GPATCH2: variants seen among roughly 807,000 people sequenced by gnomAD.
The protein encoded by GPATCH2 is G patch domain-containing protein 2.
GPATCH2 carries 51 observed loss-of-function variants against 58.0 expected under a neutral mutation model. The ratio of observed to expected loss-of-function variants is 0.88; its 90% CI spans 0.70 to 1.11. The LOEUF (loss-of-function observed/expected upper bound fraction) is 1.11, where lower values mean the gene tolerates loss of function less well. GPATCH2 is among the 50% of genes most tolerant of loss of function. The pLI is 0.00. For missense variants in GPATCH2, 625 were observed against 652.2 expected (o/e 0.96, Z 0.45); for synonymous variants, 222 against 218.5 (o/e 1.02, Z -0.14).
intron 2 of GPATCH2, among the ~76,000 whole-genome samples, chr1:217,614,696 C>A (rs1668797669): frequency 6.7e-6 from 1 of 148,220 alleles, no homozygotes; most frequent in Non-Finnish European, 1.5e-5. Context: ...GAATTCACAA[C>A]AACTCTATTA....
intron 6 of GPATCH2, 118 bp downstream of exon 6, chr1:217,514,704 T>C (rs989856275): frequency 1.1e-5 from 6 of 532,148 alleles, no homozygotes; most frequent in South Asian, 7.0e-5. Flanking sequence ...TGGTAAATTA[T>C]ACTTACTCTT....
rs1484411005 is a variant in GPATCH2 at position 217,620,124 on chromosome 1, A to G, written c.432T>C (p.His144=). ...NNVRGKRPLW[H]ESDFAVDNVG... The stretch of plus-strand genomic sequence containing the variant: ...CATTGTCCACAGCAAAATCAGACTC[A>G]TGCCATAGAGGTCTTTTCCCTCGAA... Residue 144 remains histidine (H), a synonymous_variant, in exon 2 of 10, where the codon CAT becomes CAC. Coordinates refer to ENST00000366935, the MANE Select transcript of GPATCH2 (RefSeq NM_018040.5). The G allele has an allele frequency of 3.1e-6, 5 of 1,614,010 alleles. No individual in the cohort carries two copies. The highest frequency in any genetic ancestry group is 4.2e-6 in the Non-Finnish European group (5 of 1,180,010).
intron 8 of GPATCH2, among the ~76,000 whole-genome samples, chr1:217,473,111 C>A (rs1019677113): frequency 6.6e-6 from 1 of 152,170 alleles, no homozygotes; most frequent in Admixed American, 6.5e-5. Flanking sequence ...CCCTTACTAC[C>A]TATCTGTGAG....
At chr1:217,587,733 A>G (rs1646582830) in intron 5 of GPATCH2, among the ~76,000 whole-genome samples, 1 of 152,118 alleles carries the variant, frequency 6.6e-6, no homozygotes, top group African/African-American at 2.4e-5. Flanking sequence ...ATATAGAAAG[A>G]TTTTTCTGGA....
chr1:217,462,391 G>C (rs953077405), intron 8 of GPATCH2, among the ~76,000 whole-genome samples: 1 of 151,980 alleles, frequency 6.6e-6, no homozygotes, highest in Non-Finnish European at 1.5e-5. Flanking sequence ...CACATAAATC[G>C]ATCTACATAC....
intron 9 of GPATCH2, among the ~76,000 whole-genome samples, chr1:217,445,471 C>T (rs1659345549): frequency 6.6e-6 from 1 of 152,058 alleles, no homozygotes; most frequent in African/African-American, 2.4e-5. Flanking sequence ...TTGTTCACTG[C>T]TTTTCTTCAC....
chr1:217,457,065 AG>A (rs1249244022), intron 8 of GPATCH2, among the ~76,000 whole-genome samples: 1 of 152,248 alleles, frequency 6.6e-6, no homozygotes, highest in Non-Finnish European at 1.5e-5. Flanking sequence ...CAGATTAATT[AG>A]AAAAAAGAAA....
chr1:217,491,787 AATATTTTC>A (rs1661749472), intron 7 of GPATCH2, 37 bp from the exon 8 acceptor site: 2 of 771,122 alleles, frequency 2.6e-6, no homozygotes, highest in Non-Finnish European at 4.3e-6. Flanking sequence ...TAGAAACAAA[AATATTTTC>A]ATTATATTAT....
intron 5 of GPATCH2, among the ~76,000 whole-genome samples, chr1:217,536,517 T>C (rs1664472629): frequency 6.6e-6 from 1 of 152,226 alleles, no homozygotes; most frequent in Admixed American, 6.5e-5. Context: ...ATTCTCCATT[T>C]CTATTAGCCT....
At chr1:217,539,489 ATT>A (rs1664629048) in intron 5 of GPATCH2, among the ~76,000 whole-genome samples, 1 of 152,116 alleles carries the variant, frequency 6.6e-6, no homozygotes, top group Non-Finnish European at 1.5e-5. Flanking sequence ...CCTACAAACA[ATT>A]TTCAAGCCCA....
chr1:217,533,099 G>C (rs943610856), intron 5 of GPATCH2, among the ~76,000 whole-genome samples: 1 of 151,296 alleles, frequency 6.6e-6, no homozygotes, highest in South Asian at 2.1e-4. Context: ...TGGGGAGATG[G>C]GGTTTTGCCA....
intron 8 of GPATCH2, among the ~76,000 whole-genome samples, chr1:217,451,961 G>C (rs898706414): frequency 1.3e-5 from 2 of 152,202 alleles, no homozygotes; most frequent in Non-Finnish European, 2.9e-5. Flanking sequence ...TCTGTTCAGG[G>C]AGTTATGAGT....
Position 217,535,850 on chromosome 1 carries a change from T to C in GPATCH2, c.1099-20961A>G, listed in dbSNP as rs144452473. Among the ~76,000 whole-genome samples the C allele has an allele frequency of 5.4e-3, 819 of 152,354 alleles. 4 individuals carry two copies. Among genetic ancestry groups the C allele is most frequent in the South Asian group, 0.011 (53 of 4,832 alleles). On this transcript the variant is annotated intron_variant, in intron 5 of 9. Coordinates refer to ENST00000366935, the MANE Select transcript of GPATCH2 (RefSeq NM_018040.5). ...AGCATACCACAAACTCTGGCAATAG[T>C]TCCACCTCATCGCCGCTACTGATTT...
rs1210766154 is a variant in GPATCH2 at position 217,431,121 on chromosome 1, T to C, written c.*24A>G. The C allele has an allele frequency of 8.9e-7, 1 of 1,122,910 alleles. No homozygotes were observed. The highest frequency in any genetic ancestry group is 1.2e-5 in the South Asian group (1 of 81,378). 69.6% of individuals were successfully genotyped at this position (1,122,910 alleles called of 1,614,324 possible). A position where few individuals can be genotyped will look rare whatever the true frequency, so the allele number is the denominator to read the frequency against. On this transcript the variant is annotated 3_prime_UTR_variant, in exon 10 of 10. Transcript: ENST00000366935. Reference sequence around the variant, plus strand: ...AATGGGACATAGTGAATAAAGTCTGTAAAACATTTCTTCTTTGCTTTTCTT... The same window carrying C: ...AATGGGACATAGTGAATAAAGTCTGCAAAACATTTCTTCTTTGCTTTTCTT...
chr1:217,593,280 A>G (rs1232431179), intron 5 of GPATCH2, among the ~76,000 whole-genome samples: 2 of 152,032 alleles, frequency 1.3e-5, no homozygotes, highest in Non-Finnish European at 2.9e-5. Flanking sequence ...GAGATTTATT[A>G]TTAGAAATTG....
chr1:217,532,886 GTTTTTTTTTTTTTGT>G (rs1184177774), intron 5 of GPATCH2, among the ~76,000 whole-genome samples: 28 of 130,260 alleles, frequency 2.1e-4, no homozygotes, highest in African/African-American at 4.6e-4. Flanking sequence ...TCTTTTTTTT[GTTTTTTTTTTTTTGT>G]TTTTTTTTTT....
At chr1:217,442,105 A>G (rs1438944767) in intron 9 of GPATCH2, among the ~76,000 whole-genome samples, 1 of 152,222 alleles carries the variant, frequency 6.6e-6, no homozygotes, top group East Asian at 1.9e-4. Flanking sequence ...ATGCCCATCA[A>G]TGATAGGCTG....
intron 5 of GPATCH2, among the ~76,000 whole-genome samples, chr1:217,582,926 C>A (rs2102746569): frequency 6.6e-6 from 1 of 152,250 alleles, no homozygotes; most frequent in Non-Finnish European, 1.5e-5. Context: ...TGAAATACAC[C>A]ATTCACTGTA....
chr1:217,458,028 A>G (rs1660026861), intron 8 of GPATCH2, among the ~76,000 whole-genome samples: 1 of 152,218 alleles, frequency 6.6e-6, no homozygotes, highest in Admixed American at 6.5e-5. Flanking sequence ...GAGATAGAGA[A>G]TATCCTGGCT....
Sources: gnomAD v4.1 joint callset for allele counts (sites outside exome capture counted in the v4.1 genomes callset) on GRCh38, gnomAD v4.1.1 for gene constraint, MANE v1.5 for transcripts, NCBI Gene and HGNC (gene_info 2026-07-23, HGNC 2026-07-21) for gene names.